SMIM3: variants seen among roughly 807,000 people sequenced by gnomAD.
The protein encoded by SMIM3 is small integral membrane protein 3.
SMIM3 carries 4 observed loss-of-function variants against 2.1 expected under a neutral mutation model. The ratio of observed to expected loss-of-function variants is 1.89; its 90% CI spans 0.93 to 4.31. The LOEUF (loss-of-function observed/expected upper bound fraction) is 4.31. Ranked by LOEUF, SMIM3 falls within the 30% of genes most tolerant of loss-of-function variation. The probability of loss-of-function intolerance (pLI) is 0.01; values close to 1 mark genes in which losing one functional copy is unlikely to be tolerated. For missense variants in SMIM3, 79 were observed against 77.7 expected, an observed-to-expected ratio of 1.02 and a Z score of -0.06; for synonymous variants, 29 against 30.8, an observed-to-expected ratio of 0.94 and a Z score of 0.19.
In SMIM3 at chr5:150,795,621, T is replaced by G; in HGVS notation, c.181T>G (p.Ter61GlyextTer8). The G allele has an allele frequency of 6.5e-7, 1 of 1,544,468 alleles. No individual in the cohort carries two copies. Among genetic ancestry groups the G allele is most frequent in the Non-Finnish European group, 8.7e-7 (1 of 1,150,742 alleles). ...TCATCCGATCCTTAGTGGGGCTGTT[T>G]GAGAGCCTCCCAAGAGGGCCGGGTG... ...RTHPILSGAV[*>G] The change falls in exon 2 of 2, where the codon TGA becomes GGA. Residue 61 changes from the stop codon to glycine, a stop_lost. Transcript: ENST00000526627.
At chr5:150,795,401 C>G (rs1753391677) in intron 1 of SMIM3, 29 bp from the exon 2 acceptor site, 1 of 1,612,084 alleles carries the variant, frequency 6.2e-7, no homozygotes, top group South Asian at 1.1e-5. Context: ...GAGTACGCAA[C>G]AGTGATCTTC....
chr5:150,784,165 C>T (rs150510426), intron 1 of SMIM3, among the ~76,000 whole-genome samples: 2,522 of 152,138 alleles, frequency 0.017, 230 homozygotes, highest in Admixed American at 0.14. Context: ...GATTTAGGAA[C>T]GATGCCGGGT....
chr5:150,793,318 C>G (rs1473322298), intron 1 of SMIM3, among the ~76,000 whole-genome samples: 1 of 152,068 alleles, frequency 6.6e-6, no homozygotes, highest in East Asian at 1.9e-4. Context: ...TTAGAAAAAA[C>G]AATTCCAAAA....
At chr5:150,787,626 G>A (rs1422305427) in intron 1 of SMIM3, among the ~76,000 whole-genome samples, 3 of 152,120 alleles carry the variant, frequency 2.0e-5, no homozygotes, top group Admixed American at 6.5e-5. Context: ...TCAATGGCTG[G>A]CTAACCTCTC....
At position 150,781,990 on chromosome 5, in the gene SMIM3, G is replaced by A. The variant is rs542312860; in HGVS notation, c.-12+3018G>A. 7.2e-5 allele frequency among the ~76,000 whole-genome samples: 11 copies of A among 152,256 alleles called. No individual in the cohort carries two copies. The South Asian group carries it at 1.5e-3, about 20-fold the overall frequency. The stretch of plus-strand genomic sequence containing the variant: ...TCTTACACAGCTCTGGCTGTGTTCC[G>A]ATCTCTTTGAAATATCTTGGTGTTT... On this transcript the variant is annotated intron_variant, in intron 1 of 1. Coordinates refer to ENST00000526627, the MANE Select transcript of SMIM3 (RefSeq NM_032947.5).
At chr5:150,784,843 T>C (rs923925977) in intron 1 of SMIM3, among the ~76,000 whole-genome samples, 20 of 152,218 alleles carry the variant, frequency 1.3e-4, no homozygotes, top group Non-Finnish European at 2.6e-4. Flanking sequence ...TATTTGTTGT[T>C]GTTTTTCTCC....
intron 1 of SMIM3, among the ~76,000 whole-genome samples, chr5:150,779,367 C>T (rs1362319982): frequency 1.3e-5 from 2 of 152,146 alleles, no homozygotes; most frequent in Non-Finnish European, 2.9e-5. Context: ...GCGCCCGGGC[C>T]TGAGCACCTG....
At chr5:150,790,774 T>C (rs1200952688) in intron 1 of SMIM3, among the ~76,000 whole-genome samples, 6 of 152,194 alleles carry the variant, frequency 3.9e-5, no homozygotes, top group African/African-American at 1.4e-4. Flanking sequence ...CTCATCCCCT[T>C]TGAGTCTAAT....
chr5:150,794,664 G>T (rs57608551), intron 1 of SMIM3, among the ~76,000 whole-genome samples: 3 of 152,138 alleles, frequency 2.0e-5, no homozygotes, highest in Admixed American at 6.5e-5. Flanking sequence ...TGGTGACTTG[G>T]GGGGAAGAGT....
intron 1 of SMIM3, 98 bp from the exon 2 acceptor site, chr5:150,795,332 G>A: frequency 8.0e-7 from 1 of 1,256,656 alleles, no homozygotes; most frequent in Admixed American, 1.7e-5. Flanking sequence ...TACATATCTG[G>A]TAAGTGACCC....
chr5:150,784,803 G>A (rs1363570), intron 1 of SMIM3, among the ~76,000 whole-genome samples: 21,908 of 151,870 alleles, frequency 0.14, 2,836 homozygotes, highest in African/African-American at 0.34. Context: ...ATCTTTCTCT[G>A]TGCTTTCTAT....
At chr5:150,787,945 A>G (rs1420230704) in intron 1 of SMIM3, among the ~76,000 whole-genome samples, 1 of 152,170 alleles carries the variant, frequency 6.6e-6, no homozygotes, top group Non-Finnish European at 1.5e-5. Context: ...TACTTGACAT[A>G]TGAATAAATG....
chr5:150,793,958 T>A (rs1753375890), intron 1 of SMIM3, among the ~76,000 whole-genome samples: 1 of 151,848 alleles, frequency 6.6e-6, no homozygotes, highest in Non-Finnish European at 1.5e-5. Context: ...TACAACGAAC[T>A]CAAACAAATC....
intron 1 of SMIM3, among the ~76,000 whole-genome samples, chr5:150,783,735 T>C (rs917796686): frequency 2.1e-4 from 32 of 152,304 alleles, no homozygotes; most frequent in Admixed American, 3.3e-4. Context: ...CTCTCAAAAG[T>C]TGACTGTTAG....
chr5:150,795,011 A>T (rs972699429), intron 1 of SMIM3, among the ~76,000 whole-genome samples: 8 of 152,126 alleles, frequency 5.3e-5, no homozygotes, highest in Non-Finnish European at 8.8e-5. Flanking sequence ...GAGAGAACAG[A>T]CTGGTAGTAT....
At position 150,795,556 on chromosome 5, in the gene SMIM3, T is replaced by G; in HGVS notation, c.116T>G (p.Leu39Arg). The G allele has an allele frequency of 6.2e-7, 1 of 1,606,698 alleles. No individual in the cohort carries two copies. Among genetic ancestry groups the G allele is most frequent in the Non-Finnish European group, 8.5e-7 (1 of 1,178,646 alleles). ...ATIVIMTSLLLCPATAVIIYR... is the reference protein window; with the variant it reads ...ATIVIMTSLLRCPATAVIIYR... ...ATTGTCATCATGACCTCGTTGTTGC[T>G]GTGCCCAGCCACTGCAGTAATCATC... Residue 39 changes from leucine to arginine, a missense_variant, in exon 2 of 2, where the codon CTG becomes CGG. Physicochemically the swap from Leu to Arg is moderately radical, Grantham distance 102 (BLOSUM62 -2). Transcript: ENST00000526627.
At chr5:150,790,675 T>TA (rs1753340678) in intron 1 of SMIM3, among the ~76,000 whole-genome samples, 1 of 152,138 alleles carries the variant, frequency 6.6e-6, no homozygotes, top group Non-Finnish European at 1.5e-5. Context: ...GAAAAGGCCT[T>TA]AGGGGTCTTA....
intron 1 of SMIM3, among the ~76,000 whole-genome samples, chr5:150,785,967 T>A (rs755342495): frequency 9.9e-5 from 15 of 152,204 alleles, no homozygotes; most frequent in Non-Finnish European, 2.1e-4. Flanking sequence ...CAAATTGGTG[T>A]CTTTCATCAG....
rs546977535 is a variant in SMIM3 at position 150,795,585 on chromosome 5, C to T, written c.145C>T (p.Arg49Cys). Residue 49 changes from arginine (R) to cysteine (C), a missense_variant, in exon 2 of 2, where the codon CGC (arginine) becomes TGC (cysteine). By Grantham distance (180) the Arg-to-Cys change is radical. Transcript: ENST00000526627. Reference sequence around the variant, plus strand: ...CCCAGCCACTGCAGTAATCATCTATCGCATGCGGACTCATCCGATCCTTAG... The same window carrying T: ...CCCAGCCACTGCAGTAATCATCTATTGCATGCGGACTCATCCGATCCTTAG... Reference protein sequence around the residue: ...LCPATAVIIYRMRTHPILSGA... With the variant: ...LCPATAVIIYCMRTHPILSGA... The T allele has an allele frequency of 9.5e-5, 150 of 1,580,964 alleles. No individual in the cohort carries two copies. The highest frequency in any genetic ancestry group is 7.8e-4 in the Admixed American group (43 of 55,304).
Sources: gnomAD v4.1 joint callset for allele counts (sites outside exome capture counted in the v4.1 genomes callset) on GRCh38, gnomAD v4.1.1 for gene constraint, MANE v1.5 for transcripts, NCBI Gene and HGNC (gene_info 2026-07-23, HGNC 2026-07-21) for gene names.